Variants in DDX60 observed in about 807,000 individuals in gnomAD.
The protein encoded by DDX60 is probable ATP-dependent RNA helicase DDX60.
A neutral mutation model predicts 212.8 loss-of-function variants in DDX60; 165 were observed. That is an observed-to-expected ratio of 0.78 (90% CI 0.68 to 0.88). The LOEUF is 0.88. Ranked by LOEUF, DDX60 falls within the 40% of genes least tolerant of loss-of-function variation. DDX60 has a pLI of 0.00. For synonymous variants in DDX60, 703 were observed against 685.3 expected (o/e 1.03, Z -0.40); for missense variants, 1,905 against 2,003.9 (o/e 0.95, Z 0.94).
chr4:168,225,664 C>A lies in DDX60; in HGVS notation c.4546G>T (p.Asp1516Tyr). 1 of 1,610,174 alleles carries A rather than the reference C, an allele frequency of 6.2e-7. No individual in the cohort carries two copies. The highest frequency in any genetic ancestry group is 8.5e-7 in the Non-Finnish European group (1 of 1,178,500). ...GCATCACTAAAATCCTCAGGGAGATCATCAAGGAACACCTAGAAGCCGAAT... is the reference window on the plus strand; with the variant it reads ...GCATCACTAAAATCCTCAGGGAGATAATCAAGGAACACCTAGAAGCCGAAT... ...EFYQSKVFLD[D>Y]LPEDFSDALD... Residue 1516 changes from aspartate to tyrosine, a missense_variant, in exon 34 of 38, where the codon GAT (aspartate) becomes TAT (tyrosine). Asp to Tyr is a radical substitution (Grantham distance 160). Coordinates refer to ENST00000393743, the MANE Select transcript of DDX60 (RefSeq NM_017631.6).
intron 33 of DDX60, among the ~76,000 whole-genome samples, chr4:168,228,483 T>G (rs1733334855): frequency 6.6e-6 from 1 of 152,050 alleles, no homozygotes; most frequent in South Asian, 2.1e-4. Context: ...TTTTTACCAG[T>G]TTTTCCTTTT....
intron 22 of DDX60, among the ~76,000 whole-genome samples, chr4:168,265,145 G>T (rs1415840530): frequency 6.6e-6 from 1 of 152,168 alleles, no homozygotes; most frequent in Non-Finnish European, 1.5e-5. Context: ...AACAAGCCAT[G>T]TATGGATTGA....
chr4:168,287,970 T>C (rs543447714), intron 9 of DDX60, among the ~76,000 whole-genome samples: 1 of 152,286 alleles, frequency 6.6e-6, no homozygotes, highest in South Asian at 2.1e-4. Flanking sequence ...GAAATACTTT[T>C]AATGTAATAT....
At chr4:168,266,310 C>A (rs1313287361) in intron 22 of DDX60, among the ~76,000 whole-genome samples, 2 of 152,154 alleles carry the variant, frequency 1.3e-5, no homozygotes, top group Non-Finnish European at 2.9e-5. Flanking sequence ...TTTAGGTTAG[C>A]TGTTCTTATT....
At chr4:168,303,292 ACT>A (rs1736727025) in intron 5 of DDX60, among the ~76,000 whole-genome samples, 1 of 142,538 alleles carries the variant, frequency 7.0e-6, no homozygotes, top group Admixed American at 6.9e-5. Context: ...ACAGAGCGAG[ACT>A]CTGTCTCCAA....
chr4:168,221,940 C>G lies in DDX60; in HGVS notation c.4825-59G>C, dbSNP rs72971438. Reference sequence around the variant, plus strand: ...TATGTATAAAGAAAGTTGATAATTTCTTATGTGGTGCTTTGTAGATACATC... The same window carrying G: ...TATGTATAAAGAAAGTTGATAATTTGTTATGTGGTGCTTTGTAGATACATC... On this transcript the variant is annotated intron_variant, in intron 35 of 37. Coordinates refer to ENST00000393743, the MANE Select transcript of DDX60 (RefSeq NM_017631.6). 6.3e-3 allele frequency: 9,626 copies of G among 1,526,428 alleles called. 394 individuals are homozygous for G. The African/African-American group carries it at 0.1, about 16-fold the overall frequency. The allele number at this position is 1,526,428 out of a possible 1,614,324, so 94.6% of individuals were successfully genotyped here. A position where few individuals can be genotyped will look rare whatever the true frequency, so the allele number is the denominator to read the frequency against.
In DDX60 at chr4:168,273,964, G is replaced by A. The variant is rs372730500; in HGVS notation, c.2424C>T (p.Asp808=). The change falls in exon 17 of 38, where the codon GAC becomes GAT. Residue 808 remains aspartate, a synonymous_variant. Transcript: ENST00000393743. ...TGGGTGCAACGTACACGACCACCCC[G>A]TCGTCGCTCTCCTTCAGCACTTTCT... ...CMEKVLKESD[D]GVVVYVAPTK... is the part of the protein sequence containing the mutation. 1.4e-5 allele frequency: 22 copies of A among 1,614,010 alleles called. No individual in the cohort carries two copies. Among genetic ancestry groups the A allele is most frequent in the Middle Eastern group, 1.6e-4 (1 of 6,084 alleles).
In DDX60 at chr4:168,244,971, A is replaced by T. The variant is rs796289237; in HGVS notation, c.4164+1447T>A. On this transcript the variant is annotated intron_variant, in intron 30 of 37. Coordinates refer to ENST00000393743, the MANE Select transcript of DDX60 (RefSeq NM_017631.6). ...AACAACAGAACAATTAACAGAAGCAAATAACAAAGATACAATTCAAGGATC... is the reference window on the plus strand; with the variant it reads ...AACAACAGAACAATTAACAGAAGCATATAACAAAGATACAATTCAAGGATC... Among the ~76,000 whole-genome samples, 7 of 152,314 alleles carry T rather than the reference A, an allele frequency of 4.6e-5. No individual in the cohort carries two copies. The East Asian group carries it at 9.6e-4, about 21-fold the overall frequency.
chr4:168,266,968 A>G (rs1734873040), intron 22 of DDX60, among the ~76,000 whole-genome samples: 2 of 152,214 alleles, frequency 1.3e-5, no homozygotes, highest in Admixed American at 1.3e-4. Flanking sequence ...AAGGAAGACA[A>G]AACTATTGAC....
intron 6 of DDX60, among the ~76,000 whole-genome samples, chr4:168,294,902 C>T (rs1736273897): frequency 6.6e-6 from 1 of 152,090 alleles, no homozygotes; most frequent in Non-Finnish European, 1.5e-5. Context: ...GACAAACGAC[C>T]TGGACAGTCA....
chr4:168,282,568 A>C (rs904703685), intron 13 of DDX60, among the ~76,000 whole-genome samples: 10 of 152,272 alleles, frequency 6.6e-5, no homozygotes, highest in African/African-American at 2.4e-4. Flanking sequence ...TGGTTTTGTT[A>C]AGTTGGTACT....
intron 22 of DDX60, among the ~76,000 whole-genome samples, chr4:168,265,888 AAGG>A: frequency 1.4e-5 from 2 of 138,072 alleles, no homozygotes; most frequent in African/African-American, 2.9e-5. Flanking sequence ...AAGGGAAGGG[AAGG>A]GAAGGGAGAA....
At chr4:168,239,003 C>T (rs1733739462) in intron 30 of DDX60, among the ~76,000 whole-genome samples, 1 of 152,092 alleles carries the variant, frequency 6.6e-6, no homozygotes, top group Non-Finnish European at 1.5e-5. Context: ...TTTCATACAT[C>T]CTATTGCTTG....
At chr4:168,297,068 G>A (rs28631254) in intron 6 of DDX60, among the ~76,000 whole-genome samples, 50,028 of 150,812 alleles carry the variant, frequency 0.33, 8,753 homozygotes, top group African/African-American at 0.46. Context: ...GCACCACCAT[G>A]CCCGGCTAAT....
chr4:168,248,812 T>A (rs1268582116), intron 28 of DDX60, among the ~76,000 whole-genome samples: 1 of 151,130 alleles, frequency 6.6e-6, no homozygotes, highest in African/African-American at 2.4e-5. Flanking sequence ...CAAGCTGGAG[T>A]GCAATGGCAC....
Position 168,280,440 on chromosome 4 carries a change from C to T in DDX60, c.1873G>A (p.Asp625Asn). ...NLHSGIKSLE[D>N]FLKSCKSSCV... is the part of the protein sequence containing the mutation. ...CTACTTTTACAGGATTTCAAAAAAT[C>T]TTCCAGGCTCTTTATTCCAGAGTGT... The change falls in exon 14 of 38, where the codon GAT (aspartate) becomes AAT (asparagine). Residue 625 changes from aspartate (D) to asparagine (N), a missense_variant. By Grantham distance (23) the Asp-to-Asn change is conservative. Transcript: ENST00000393743. 1.2e-6 allele frequency: 2 copies of T among 1,614,194 alleles called. No homozygotes were observed. The highest frequency in any genetic ancestry group is 1.7e-6 in the Non-Finnish European group (2 of 1,180,006).
chr4:168,273,892 G>C (rs199824568), intron 17 of DDX60, 42 bp downstream of exon 17: 24 of 1,579,856 alleles, frequency 1.5e-5, no homozygotes, highest in Non-Finnish European at 2.0e-5. Context: ...TAAATAGTAG[G>C]TTCAGGAATG....
chr4:168,298,783 G>A (rs1456337910), intron 6 of DDX60, among the ~76,000 whole-genome samples: 1 of 151,970 alleles, frequency 6.6e-6, no homozygotes, highest in Admixed American at 6.6e-5. Context: ...TGTCTTAAAT[G>A]TCCCCAGCAC....
At position 168,280,625 on chromosome 4, in the gene DDX60, T is replaced by C. The variant is rs144847306; in HGVS notation, c.1723-35A>G. 312 of 1,565,096 alleles carry C rather than the reference T, an allele frequency of 2.0e-4. 3 individuals are homozygous for C. In the East Asian group the frequency reaches 6.9e-3, roughly 35 times the overall value. On this transcript the variant is annotated intron_variant, in intron 13 of 37. Transcript: ENST00000393743. ...AGGAAAAAACATCTCTTAAGACAAG[T>C]TGAAAATATTCCAAGATAACAGGTC...
Sources: gnomAD v4.1 joint callset for allele counts (sites outside exome capture counted in the v4.1 genomes callset) on GRCh38, gnomAD v4.1.1 for gene constraint, MANE v1.5 for transcripts, NCBI Gene and HGNC (gene_info 2026-07-23, HGNC 2026-07-21) for gene names.